The following SYNJ2 variants were observed in gnomAD, a reference collection of about 807,000 sequenced individuals.
The protein encoded by SYNJ2 is polyphosphatidylinositol phosphatase SYNJ2.
SYNJ2 carries 116 observed loss-of-function variants against 141.3 expected under a neutral mutation model. That is an observed-to-expected ratio of 0.82 (90% CI 0.71 to 0.96). The LOEUF is 0.96. Ranked by LOEUF, SYNJ2 falls within the 40% of genes least tolerant of loss-of-function variation. SYNJ2 has a pLI of 0.00. For missense variants in SYNJ2, 1,873 were observed against 1,934.8 expected (o/e 0.97, Z 0.60); for synonymous variants, 745 against 777.7 (o/e 0.96, Z 0.70).
At chr6:158,035,904 A>C (rs1779610990) in intron 4 of SYNJ2, among the ~76,000 whole-genome samples, 1 of 152,136 alleles carries the variant, frequency 6.6e-6, no homozygotes, top group South Asian at 2.1e-4. Flanking sequence ...AAATTTTTGC[A>C]AACTATGCAT....
chr6:158,028,512 T>TAACA (rs1179229557), intron 2 of SYNJ2: 2 of 564,280 alleles, frequency 3.5e-6, no homozygotes, highest in Non-Finnish European at 6.3e-6. Flanking sequence ...TCTGCATGTC[T>TAACA]AACAGGCTCC....
chr6:158,068,344 G>T (rs1215952042), intron 12 of SYNJ2, among the ~76,000 whole-genome samples: 1 of 152,140 alleles, frequency 6.6e-6, no homozygotes, highest in Admixed American at 6.5e-5. Flanking sequence ...CAGGAGCCTG[G>T]GTGTCAGAGG....
At chr6:158,028,386 G>A in intron 2 of SYNJ2, 1 of 246,858 alleles carries the variant, frequency 4.1e-6, no homozygotes, top group East Asian at 9.5e-5. Context: ...GTAGGTCCTG[G>A]GGGTCTGGAA....
chr6:157,989,409 T>C (rs1313418786), intron 1 of SYNJ2, among the ~76,000 whole-genome samples: 1 of 136,880 alleles, frequency 7.3e-6, no homozygotes. Flanking sequence ...TAAAATCTCA[T>C]TCTTATGTAA....
rs552504870 is a variant in SYNJ2, at chr6:158,084,944, A to T, written c.3208+770A>T. Among the ~76,000 whole-genome samples, 33 of 151,982 alleles carry T rather than the reference A, an allele frequency of 2.2e-4. No homozygotes were observed. The highest frequency in any genetic ancestry group is 7.7e-4 in the African/African-American group (32 of 41,422). On this transcript the variant is annotated intron_variant, in intron 22 of 26. Coordinates refer to ENST00000355585, the MANE Select transcript of SYNJ2 (RefSeq NM_003898.4). The surrounding 1 kb of genome is among the most constrained non-coding windows in gnomAD (Gnocchi z 5.0). The stretch of plus-strand genomic sequence containing the variant: ...TTATACAGTCATGTCATACGGTCAC[A>T]TCATTGTATCATTTTAGACTTCAGA...
At position 158,026,037 on chromosome 6, in the gene SYNJ2, G is replaced by A. The variant is rs113554671; in HGVS notation, c.215-2719G>A. ...CATACAGGGTACAGCAAACTAATCC[G>A]ATTGGAAACTGCCGGACTTTGGGGC... On this transcript the variant is annotated intron_variant, in intron 2 of 26. Coordinates refer to ENST00000355585, the MANE Select transcript of SYNJ2 (RefSeq NM_003898.4). Among the ~76,000 whole-genome samples, 204 of 151,970 alleles carry A rather than the reference G, an allele frequency of 1.3e-3. 1 individual carries two copies. The highest frequency in any genetic ancestry group is 2.5e-3 in the Non-Finnish European group (172 of 67,896).
intron 11 of SYNJ2, among the ~76,000 whole-genome samples, chr6:158,065,474 C>T (rs977234873): frequency 6.6e-6 from 1 of 152,046 alleles, no homozygotes; most frequent in Non-Finnish European, 1.5e-5. Flanking sequence ...CTGGTCTCAG[C>T]GGCAAGACAT....
chr6:158,053,879 T>C (rs1780709791), intron 5 of SYNJ2, among the ~76,000 whole-genome samples: 1 of 146,324 alleles, frequency 6.8e-6, no homozygotes, highest in African/African-American at 2.5e-5. Context: ...CACCCACCTA[T>C]CCATCTACTG....
At chr6:158,065,302 C>T (rs1015070910) in intron 11 of SYNJ2, among the ~76,000 whole-genome samples, 1 of 152,216 alleles carries the variant, frequency 6.6e-6, no homozygotes, top group Non-Finnish European at 1.5e-5. Context: ...CTAACCTACT[C>T]CAGAAACTTC....
Position 158,017,238 on chromosome 6 carries a change from T to C in SYNJ2, c.162T>C (p.Tyr54=). Residue 54 remains tyrosine (Y), a synonymous_variant, in exon 2 of 27, where the codon TAT becomes TAC. Transcript: ENST00000355585. ...PEEKEVIKGQ[Y]GKLTDAYGCL... is the part of the protein sequence containing the mutation. ...AAAAGGAAGTCATTAAAGGACAGTA[T>C]GGCAAGCTCACGGACGCGTACGGCT... The C allele has an allele frequency of 1.2e-6, 2 of 1,613,230 alleles. No homozygotes were observed. Among genetic ancestry groups the C allele is most frequent in the Non-Finnish European group, 1.7e-6 (2 of 1,179,934 alleles).
rs750091072 is a variant in SYNJ2, at chr6:158,017,249, C to G, written c.173C>G (p.Thr58Arg). 1.9e-6 allele frequency: 3 copies of G among 1,612,970 alleles called. No individual in the cohort carries two copies. In the African/African-American group the frequency reaches 4.0e-5, roughly 22 times the overall value. The stretch of plus-strand genomic sequence containing the variant: ...ATTAAAGGACAGTATGGCAAGCTCA[C>G]GGACGCGTACGGCTGCCTGGGGGAG... Reference protein sequence around the residue: ...EVIKGQYGKLTDAYGCLGELR... With the variant: ...EVIKGQYGKLRDAYGCLGELR... Residue 58 changes from threonine (T) to arginine (R), a missense_variant, in exon 2 of 27, where the codon ACG becomes AGG. Coordinates refer to ENST00000355585, the MANE Select transcript of SYNJ2 (RefSeq NM_003898.4).
At chr6:158,055,151 C>T in intron 6 of SYNJ2, 123 bp downstream of exon 6, 1 of 1,011,916 alleles carries the variant, frequency 9.9e-7, no homozygotes, top group Non-Finnish European at 1.5e-6. Flanking sequence ...TCTAAAGCTG[C>T]TTTCCCTTTG....
rs981108579 is a variant in SYNJ2, at chr6:158,070,041, C to T, written c.1940+368C>T. On this transcript the variant is annotated intron_variant, in intron 14 of 26. Transcript: ENST00000355585. The surrounding 1 kb of genome is among the most constrained non-coding windows in gnomAD (Gnocchi z 4.0). ...ACTGGGAAATGCCAACTCTTTTGTCCCTTTTTAAAAGAATTCTAAGTAGAA... is the reference window on the plus strand; with the variant it reads ...ACTGGGAAATGCCAACTCTTTTGTCTCTTTTTAAAAGAATTCTAAGTAGAA... 1.4e-6 allele frequency: 1 copy of T among 712,256 alleles called. No individual in the cohort carries two copies. Among genetic ancestry groups the T allele is most frequent in the Admixed American group, 5.9e-5 (1 of 16,936 alleles). 44.1% of individuals were successfully genotyped at this position (712,256 alleles called of 1,614,324 possible).
chr6:158,087,154 G>C (rs956692434), intron 23 of SYNJ2, among the ~76,000 whole-genome samples, 165 bp downstream of exon 23: 2 of 152,212 alleles, frequency 1.3e-5, no homozygotes, highest in Non-Finnish European at 2.9e-5. Flanking sequence ...GGACACGTTT[G>C]ACGTCAGGGC....
chr6:158,063,659 C>CAAAAAA (rs71298907), intron 8 of SYNJ2, 132 bp from the exon 9 acceptor site: 116 of 188,770 alleles, frequency 6.1e-4, no homozygotes, highest in Admixed American at 8.6e-4. Context: ...GACTCTGTCT[C>CAAAAAA]AAAAAAAAAA....
At chr6:158,078,112 G>T in intron 17 of SYNJ2, 52 bp from the exon 18 acceptor site, 1 of 1,200,406 alleles carries the variant, frequency 8.3e-7, no homozygotes, top group Non-Finnish European at 1.2e-6. Flanking sequence ...TCGCATTCTT[G>T]GATATTGACT....
In SYNJ2 at chr6:158,097,710, A is replaced by G. The variant is rs1783862100; in HGVS notation, c.*1346A>G. ...CTATGCCACTGTCTTGTTACCAATT[A>G]GACATCTGGAATTTCATAATTAGTT... On this transcript the variant is annotated 3_prime_UTR_variant, in exon 27 of 27. Coordinates refer to ENST00000355585, the MANE Select transcript of SYNJ2 (RefSeq NM_003898.4). 1 of 152,216 alleles carries G rather than the reference A, an allele frequency of 6.6e-6. No homozygotes were observed. Among genetic ancestry groups the G allele is most frequent in the African/African-American group, 2.4e-5 (1 of 41,458 alleles). The allele number at this position is 152,216 out of a possible 1,614,324, so 9.4% of individuals were successfully genotyped here.
rs1459305735 is a variant in SYNJ2 at position 158,084,825 on chromosome 6, C to A, written c.3208+651C>A. On this transcript the variant is annotated intron_variant, in intron 22 of 26. Transcript: ENST00000355585. This position sits in a 1 kb window ranked among gnomAD's most constrained non-coding sequence, Gnocchi z 5.0. ...AGATTCCGTCTCAAAACAACAACAA[C>A]AAAAAAACTTCTGATTCAATCCCAG... 3.3e-5 allele frequency among the ~76,000 whole-genome samples: 5 copies of A among 151,636 alleles called. No individual in the cohort carries two copies. Among genetic ancestry groups the A allele is most frequent in the Admixed American group, 2.0e-4 (3 of 15,214 alleles).
intron 1 of SYNJ2, 117 bp from the exon 2 acceptor site, chr6:158,017,087 G>T: frequency 6.9e-7 from 1 of 1,451,018 alleles, no homozygotes; most frequent in Non-Finnish European, 9.1e-7. Flanking sequence ...CCGAGCTATT[G>T]TCTTTGTGTT....
Sources: gnomAD v4.1 joint callset for allele counts (sites outside exome capture counted in the v4.1 genomes callset) on GRCh38, gnomAD v4.1.1 for gene constraint, Gnocchi (gnomAD v3.1) non-coding constraint, MANE v1.5 for transcripts, NCBI Gene and HGNC (gene_info 2026-07-23, HGNC 2026-07-21) for gene names.